NAV2: variants seen among roughly 807,000 people sequenced by gnomAD.
The protein encoded by NAV2 is helicase, APC down-regulated 1.
NAV2 carries 54 observed loss-of-function variants against 223.2 expected under a neutral mutation model. The ratio of observed to expected loss-of-function variants is 0.24; its 90% CI spans 0.19 to 0.30. The LOEUF (loss-of-function observed/expected upper bound fraction) is 0.30, where lower values mean the gene tolerates loss of function less well. NAV2 is among the 10% of genes least tolerant of loss of function. NAV2 has a pLI of 1.00. For missense variants in NAV2, 2,806 were observed against 3,147.5 expected (o/e 0.89, Z 2.60); for synonymous variants, 1,279 against 1,239.3 (o/e 1.03, Z -0.67).
chr11:19,528,621 C>G (rs1312306419), intron 1 of NAV2, among the ~76,000 whole-genome samples: 1 of 150,608 alleles, frequency 6.6e-6, no homozygotes, highest in Non-Finnish European at 1.5e-5. Context: ...GTCTATAAAA[C>G]AGTGGTTCCC....
At chr11:19,514,388 T>A (rs1417871540) in intron 1 of NAV2, among the ~76,000 whole-genome samples, 1 of 152,174 alleles carries the variant, frequency 6.6e-6, no homozygotes, top group Admixed American at 6.5e-5. Flanking sequence ...TCTTTAACAT[T>A]GCGGTTTTTC....
chr11:19,447,714 A>G (rs1851637122), intron 1 of NAV2, among the ~76,000 whole-genome samples: 1 of 152,188 alleles, frequency 6.6e-6, no homozygotes, highest in South Asian at 2.1e-4. Flanking sequence ...TCACTTACCC[A>G]CAGAATAAGT....
rs1290483616 is a variant in NAV2, at chr11:19,677,071, G to A, written c.76-155413G>A. The stretch of plus-strand genomic sequence containing the variant: ...GCCACAGAAAAAGGCTATCAACTTG[G>A]CCTTGTGAAGTGGAGAACTCCTTGT... On this transcript the variant is annotated intron_variant, in intron 1 of 37. Transcript: ENST00000360655. Among the ~76,000 whole-genome samples, 17 of 152,322 alleles carry A rather than the reference G, an allele frequency of 1.1e-4. No individual in the cohort carries two copies. In the East Asian group the frequency reaches 2.9e-3, roughly 26 times the overall value.
At chr11:20,053,218 G>GAAAAAAAAAAAAAAAAAAA (rs60421659) in intron 17 of NAV2, among the ~76,000 whole-genome samples, 1 of 40,974 alleles carries the variant, frequency 2.4e-5, no homozygotes. Context: ...ACTACGTCTC[G>GAAAAAAAAAAAAAAAAAAA]AAAAAAAAAA....
chr11:19,718,019 C>G (rs891493718), intron 1 of NAV2, among the ~76,000 whole-genome samples: 8 of 152,204 alleles, frequency 5.3e-5, no homozygotes, highest in South Asian at 2.1e-4. Flanking sequence ...CCTTGAGTCT[C>G]TCCCATAAAC....
chr11:19,939,078 A>C (rs767449765), intron 7 of NAV2, among the ~76,000 whole-genome samples: 1 of 152,200 alleles, frequency 6.6e-6, no homozygotes, highest in Non-Finnish European at 1.5e-5. Context: ...TTGGGGAAGT[A>C]CAGATTTCAG....
intron 1 of NAV2, among the ~76,000 whole-genome samples, chr11:19,649,591 A>G (rs1339371900): frequency 5.3e-5 from 8 of 152,160 alleles, no homozygotes; most frequent in Non-Finnish European, 1.2e-4. Context: ...GGCCTCTTTT[A>G]TAAGTGCACT....
chr11:19,465,389 C>A (rs1852315570), intron 1 of NAV2, among the ~76,000 whole-genome samples: 1 of 152,188 alleles, frequency 6.6e-6, no homozygotes, highest in Non-Finnish European at 1.5e-5. Context: ...TTAACTTTTT[C>A]TTTTATAAAA....
intron 2 of NAV2, among the ~76,000 whole-genome samples, chr11:19,840,666 C>G (rs934457742): frequency 6.6e-6 from 1 of 152,114 alleles, no homozygotes; most frequent in Non-Finnish European, 1.5e-5. Context: ...GGAAGAGTGC[C>G]ATCTGTCAAG....
chr11:19,427,949 A>G (rs1286947731), intron 1 of NAV2, among the ~76,000 whole-genome samples: 1 of 150,976 alleles, frequency 6.6e-6, no homozygotes, highest in African/African-American at 2.4e-5. Context: ...TCCCCCCGCT[A>G]GTTTGTTTTT....
intron 1 of NAV2, among the ~76,000 whole-genome samples, chr11:19,483,240 A>T (rs1296988730): frequency 5.3e-5 from 8 of 152,256 alleles, no homozygotes; most frequent in Admixed American, 5.2e-4. Flanking sequence ...TCCAGAAATG[A>T]ACAATCCTTA....
At chr11:19,877,145 T>G (rs2153078324) in intron 4 of NAV2, among the ~76,000 whole-genome samples, 1 of 152,074 alleles carries the variant, frequency 6.6e-6, no homozygotes, top group Middle Eastern at 3.4e-3. Context: ...CTTGGACAAG[T>G]CATAAAACCT....
At chr11:19,735,705 C>T (rs2052221636) in intron 1 of NAV2, among the ~76,000 whole-genome samples, 1 of 152,210 alleles carries the variant, frequency 6.6e-6, no homozygotes, top group Non-Finnish European at 1.5e-5. Context: ...GCCGACAGCC[C>T]AGGAGGTTTG....
At chr11:20,091,303 G>A (rs888149169) in intron 27 of NAV2, among the ~76,000 whole-genome samples, 1 of 152,144 alleles carries the variant, frequency 6.6e-6, no homozygotes, top group African/African-American at 2.4e-5. Context: ...CTTCTGCAGG[G>A]TCGTTTCCAC....
At chr11:19,843,854 A>G (rs555305578) in intron 3 of NAV2, among the ~76,000 whole-genome samples, 78 of 151,954 alleles carry the variant, frequency 5.1e-4, no homozygotes, top group Non-Finnish European at 9.4e-4. Context: ...AGAATAAACC[A>G]AAGTGATTGG....
At chr11:20,028,408 A>G (rs961164529) in intron 11 of NAV2, among the ~76,000 whole-genome samples, 1 of 152,166 alleles carries the variant, frequency 6.6e-6, no homozygotes, top group Admixed American at 6.5e-5. Flanking sequence ...TCCAAGAGGT[A>G]GTAGAGAAAC....
At chr11:19,805,672 C>T (rs2058517727) in intron 1 of NAV2, among the ~76,000 whole-genome samples, 1 of 152,180 alleles carries the variant, frequency 6.6e-6, no homozygotes, top group African/African-American at 2.4e-5. Flanking sequence ...ATCAGGCTGT[C>T]TCTTTCCATT....
intron 1 of NAV2, among the ~76,000 whole-genome samples, chr11:19,513,550 C>G (rs1288628277): frequency 2.0e-5 from 3 of 152,094 alleles, no homozygotes; most frequent in Non-Finnish European, 2.9e-5. Context: ...GCCCTGTCCC[C>G]ATGAAGCACA....
chr11:19,769,434 C>G (rs78364240), intron 1 of NAV2, among the ~76,000 whole-genome samples: 4,023 of 152,286 alleles, frequency 0.026, 90 homozygotes, highest in Middle Eastern at 0.048. Flanking sequence ...CCCAGGTTGT[C>G]CTCTCTGGAC....
Sources: allele counts gnomAD v4.1 joint callset (sites outside exome capture counted in the v4.1 genomes callset), GRCh38; gene constraint gnomAD v4.1.1; transcripts MANE v1.5; gene names NCBI Gene and HGNC (gene_info 2026-07-23, HGNC 2026-07-21).